SGIP1: variants seen among roughly 807,000 people sequenced by gnomAD.
SGIP1 encodes SH3GL interacting endocytic adaptor 1.
In SGIP1, 38 loss-of-function variants were observed where a neutral mutation model predicts 107.5. That is an observed-to-expected ratio of 0.35 (90% CI 0.27 to 0.46). The LOEUF (loss-of-function observed/expected upper bound fraction) is 0.46, where lower values mean the gene tolerates loss of function less well. Ranked by LOEUF, SGIP1 falls within the 20% of genes least tolerant of loss-of-function variation. The probability of loss-of-function intolerance (pLI) is 1.00; values close to 1 mark genes in which losing one functional copy is unlikely to be tolerated. For synonymous variants in SGIP1, 365 were observed against 366.1 expected (o/e 1.00, Z 0.03); for missense variants, 929 against 1,019.5 (o/e 0.91, Z 1.21).
chr1:66,679,423 CA>C (rs1217174839), intron 13 of SGIP1, among the ~76,000 whole-genome samples: 1 of 152,192 alleles, frequency 6.6e-6, no homozygotes, highest in African/African-American at 2.4e-5. Context: ...ATCATATTTA[CA>C]TGAATAAAAT....
intron 1 of SGIP1, among the ~76,000 whole-genome samples, chr1:66,543,563 T>C (rs1482867793): frequency 6.6e-6 from 1 of 152,222 alleles, no homozygotes; most frequent in Non-Finnish European, 1.5e-5. Context: ...TCAAAGGTGC[T>C]GAGGCTGGCT....
At chr1:66,679,060 G>A (rs2086033322) in intron 13 of SGIP1, among the ~76,000 whole-genome samples, 1 of 152,204 alleles carries the variant, frequency 6.6e-6, no homozygotes, top group Non-Finnish European at 1.5e-5. Context: ...CATGATACTT[G>A]ATTTGGCTGT....
chr1:66,688,047 T>G (rs1288287406), intron 15 of SGIP1, among the ~76,000 whole-genome samples: 1 of 152,144 alleles, frequency 6.6e-6, no homozygotes, highest in Non-Finnish European at 1.5e-5. Context: ...GAGACTGAGA[T>G]GCTGATATAA....
intron 15 of SGIP1, among the ~76,000 whole-genome samples, chr1:66,688,783 A>T (rs964928889): frequency 1.1e-4 from 17 of 152,156 alleles, no homozygotes; most frequent in Admixed American, 3.3e-4. Flanking sequence ...TTCTACATAC[A>T]TGCAAAATGC....
rs1558132327 is a variant in SGIP1, at chr1:66,630,802, G to GAAA, written c.75-2268_75-2267insAAA. 6.2e-4 allele frequency among the ~76,000 whole-genome samples: 36 copies of GAAA among 57,606 alleles called. 3 individuals carry two copies. The highest frequency in any genetic ancestry group is 1.6e-3 in the East Asian group (4 of 2,444). 37.8% of individuals were successfully genotyped at this position (57,606 alleles called of 152,430 possible). On this transcript the variant is annotated intron_variant, in intron 2 of 24. Coordinates refer to ENST00000371037, the MANE Select transcript of SGIP1 (RefSeq NM_032291.4). ...GCCTGGGTGACAAGAGCAAAACTCC[G>GAAA]GAAAGAAAGAAAGAAAGAAAGAAAG...
chr1:66,630,697 T>C (rs868299023), intron 2 of SGIP1, among the ~76,000 whole-genome samples: 1 of 149,620 alleles, frequency 6.7e-6, no homozygotes, highest in African/African-American at 2.5e-5. Flanking sequence ...TCTCAGCTAC[T>C]TGGGAGGCTG....
chr1:66,615,036 G>C (rs1410120077), intron 1 of SGIP1, among the ~76,000 whole-genome samples: 1 of 151,822 alleles, frequency 6.6e-6, no homozygotes, highest in African/African-American at 2.4e-5. Flanking sequence ...GGTCAGGCTG[G>C]TCTCGAACTC....
intron 1 of SGIP1, among the ~76,000 whole-genome samples, chr1:66,572,267 A>T (rs1392069738): frequency 1.3e-5 from 2 of 152,066 alleles, no homozygotes; most frequent in African/African-American, 4.8e-5. Context: ...AGATAATCAC[A>T]GTTCTAAACT....
At chr1:66,692,084 G>A (rs1293309866) in intron 17 of SGIP1, among the ~76,000 whole-genome samples, 6 of 151,544 alleles carry the variant, frequency 4.0e-5, no homozygotes, top group South Asian at 4.2e-4. Flanking sequence ...CCTTGAACTC[G>A]GGAGGCAGAG....
intron 1 of SGIP1, among the ~76,000 whole-genome samples, chr1:66,572,415 C>T (rs530407975): frequency 7.9e-5 from 12 of 152,130 alleles, no homozygotes; most frequent in African/African-American, 2.9e-4. Context: ...CTTTAATGAA[C>T]TTTTTTTCCC....
chr1:66,667,942 C>T (rs1224409822), intron 9 of SGIP1, among the ~76,000 whole-genome samples: 1 of 152,136 alleles, frequency 6.6e-6, no homozygotes, highest in African/African-American at 2.4e-5. Flanking sequence ...CATTTTTAAG[C>T]CATCATTGTT....
chr1:66,718,315 C>T (rs2150417494), intron 18 of SGIP1, among the ~76,000 whole-genome samples: 1 of 151,266 alleles, frequency 6.6e-6, no homozygotes, highest in Admixed American at 6.6e-5. Flanking sequence ...GCCTAGAGAT[C>T]AATAACAAAA....
At position 66,733,824 on chromosome 1, in the gene SGIP1, G is replaced by A. The variant is rs1248325214; in HGVS notation, c.1975G>A (p.Val659Met). 6.2e-7 allele frequency: 1 copy of A among 1,613,538 alleles called. No individual in the cohort carries two copies. Among genetic ancestry groups the A allele is most frequent in the East Asian group, 2.2e-5 (1 of 44,772 alleles). The change falls in exon 21 of 25, where the codon GTG (valine) becomes ATG (methionine). Residue 659 changes from valine (V) to methionine (M), a missense_variant. Val to Met is a conservative substitution (Grantham distance 21). Around this residue, in one of 2 missense-constraint regions of SGIP1, gnomAD observed 341 missense variants for 430.9 expected, o/e 0.79. Coordinates refer to ENST00000371037, the MANE Select transcript of SGIP1 (RefSeq NM_032291.4). ...AAATTTGATGACTCACCTAAAGAAAGTGTCTGAACAAAAACCCCAGGCTAC... is the reference window on the plus strand; with the variant it reads ...AAATTTGATGACTCACCTAAAGAAAATGTCTGAACAAAAACCCCAGGCTAC... ...MPNLMTHLKK[V>M]SEQKPQATYY...
intron 1 of SGIP1, among the ~76,000 whole-genome samples, chr1:66,575,491 T>A (rs527479820): frequency 6.6e-6 from 1 of 152,256 alleles, no homozygotes; most frequent in East Asian, 1.9e-4. Flanking sequence ...AAATTGGACC[T>A]AAGTATTCTG....
chr1:66,563,971 A>G (rs1302185210), intron 1 of SGIP1, among the ~76,000 whole-genome samples: 1 of 152,030 alleles, frequency 6.6e-6, no homozygotes, highest in East Asian at 1.9e-4. Flanking sequence ...GTGTGTCCAG[A>G]GATTGTTAAA....
At chr1:66,629,037 A>G (rs1382704125) in intron 2 of SGIP1, among the ~76,000 whole-genome samples, 2 of 152,238 alleles carry the variant, frequency 1.3e-5, no homozygotes, top group Admixed American at 1.3e-4. Context: ...AAAAGAAATC[A>G]TAAATGCAAA....
chr1:66,606,860 G>A (rs1021723468), intron 1 of SGIP1, among the ~76,000 whole-genome samples: 8 of 152,118 alleles, frequency 5.3e-5, no homozygotes, highest in African/African-American at 9.7e-5. Flanking sequence ...TGTTATACAC[G>A]GATTAGTAGA....
At chr1:66,622,827 T>C (rs1463012698) in intron 1 of SGIP1, among the ~76,000 whole-genome samples, 1 of 152,198 alleles carries the variant, frequency 6.6e-6, no homozygotes, top group Admixed American at 6.5e-5. Context: ...GGACGCTTAG[T>C]TTTTGCCCTC....
intron 18 of SGIP1, among the ~76,000 whole-genome samples, chr1:66,717,186 T>C (rs756103239): frequency 7.2e-5 from 11 of 152,334 alleles, no homozygotes; most frequent in Admixed American, 4.6e-4. Flanking sequence ...CAAGTTTCAA[T>C]CACATAGTGG....
Sources: allele counts gnomAD v4.1 joint callset (sites outside exome capture counted in the v4.1 genomes callset), GRCh38; gene constraint gnomAD v4.1.1; regional missense constraint gnomAD v4.1.1; transcripts MANE v1.5; gene names NCBI Gene and HGNC (gene_info 2026-07-23, HGNC 2026-07-21).